The following MYT1 variants were observed in gnomAD, a reference collection of about 807,000 sequenced individuals.
The protein encoded by MYT1 is myelin transcription factor I.
Under a neutral mutation model 123.0 loss-of-function variants are expected in MYT1, and 23 were observed. The observed-to-expected ratio is 0.19, with a 90% CI of 0.13 to 0.26. The LOEUF is 0.26. MYT1 is among the 10% of genes least tolerant of loss of function. The pLI, the probability that MYT1 is intolerant of heterozygous loss-of-function variation, is 1.00. For missense variants in MYT1, 1,125 were observed against 1,472.5 expected (o/e 0.76, Z 3.86); for synonymous variants, 518 against 575.3 (o/e 0.90, Z 1.43).
intron 16 of MYT1, 74 bp from the exon 17 acceptor site, chr20:64,227,341 T>TG (rs1984195169): frequency 1.4e-6 from 2 of 1,445,128 alleles, no homozygotes; most frequent in Admixed American, 3.7e-5. Flanking sequence ...GGCTTTCCTC[T>TG]GGGGGTCCCA....
chr20:64,208,155 C>T lies in MYT1; in HGVS notation c.959C>T (p.Thr320Ile), dbSNP rs1983554052. The T allele has an allele frequency of 6.2e-7, 1 of 1,613,454 alleles. No individual in the cohort carries two copies. The highest frequency in any genetic ancestry group is 1.3e-5 in the African/African-American group (1 of 74,912). The change falls in exon 7 of 23, where the codon ACC becomes ATC. Residue 320 changes from threonine (T) to isoleucine (I), a missense_variant. Thr to Ile is a moderately conservative substitution (Grantham distance 89). Transcript: ENST00000328439. The surrounding 1 kb of genome is among the most constrained non-coding windows in gnomAD (Gnocchi z 5.4). ...ATCTTTCAGGAAGACACCTCTCACACCTCTGCCCAGAAGGCCCCTGAGCTC... is the reference window on the plus strand; with the variant it reads ...ATCTTTCAGGAAGACACCTCTCACATCTCTGCCCAGAAGGCCCCTGAGCTC... The part of the protein sequence containing the change: ...DVIFQEDTSH[T>I]SAQKAPELRG...
chr20:64,210,746 C>T (rs1983642332), intron 7 of MYT1, among the ~76,000 whole-genome samples: 1 of 152,268 alleles, frequency 6.6e-6, no homozygotes. Flanking sequence ...TTTGGGTTTA[C>T]ATTTCTGCCC....
At chr20:64,233,198 TCCCTTCCCCTA>T (rs1984380145) in intron 19 of MYT1, among the ~76,000 whole-genome samples, 1 of 86,320 alleles carries the variant, frequency 1.2e-5, no homozygotes, top group Non-Finnish European at 2.3e-5. Flanking sequence ...TCCTCCCCTC[TCCCTTCCCCTA>T]TCCCTCCCCC....
intron 16 of MYT1, among the ~76,000 whole-genome samples, chr20:64,226,174 G>T (rs1046010473): frequency 1.3e-5 from 2 of 152,218 alleles, no homozygotes; most frequent in African/African-American, 4.8e-5. Flanking sequence ...TCTCTTGGCT[G>T]GCCAGCAAGG....
intron 16 of MYT1, among the ~76,000 whole-genome samples, chr20:64,226,035 G>A (rs982859692): frequency 6.6e-6 from 1 of 152,200 alleles, no homozygotes; most frequent in Admixed American, 6.5e-5. Flanking sequence ...CACCTGAGTG[G>A]CCACTTGCCC....
intron 1 of MYT1, among the ~76,000 whole-genome samples, chr20:64,165,525 T>G (rs1476718680): frequency 6.6e-6 from 1 of 152,144 alleles, no homozygotes; most frequent in Non-Finnish European, 1.5e-5. Flanking sequence ...TTCACTTTCT[T>G]CTCTATAAAC....
chr20:64,183,126 T>C (rs1290217931), intron 1 of MYT1, among the ~76,000 whole-genome samples: 4 of 152,194 alleles, frequency 2.6e-5, no homozygotes, highest in Admixed American at 6.5e-5. Context: ...TTCACAAATA[T>C]GGAATTGTTC....
intron 20 of MYT1, 92 bp downstream of exon 20, chr20:64,236,738 G>A (rs1254273293): frequency 2.7e-6 from 3 of 1,104,750 alleles, no homozygotes; most frequent in African/African-American, 3.1e-5. Context: ...AAGAAGGTTA[G>A]GGAGATGAAG....
chr20:64,235,063 T>C (rs116039737), intron 19 of MYT1, among the ~76,000 whole-genome samples: 21,734 of 104,004 alleles, frequency 0.21, 2,542 homozygotes, highest in African/African-American at 0.37. Context: ...TGGTGGTTGA[T>C]GCTGGGATGG....
chr20:64,178,079 C>T (rs1210256823), intron 1 of MYT1, among the ~76,000 whole-genome samples: 4 of 152,212 alleles, frequency 2.6e-5, no homozygotes, highest in Non-Finnish European at 5.9e-5. Flanking sequence ...ACCTCAGGAT[C>T]CTCCTTGGTC....
intron 1 of MYT1, among the ~76,000 whole-genome samples, chr20:64,173,369 C>G (rs906346530): frequency 6.6e-6 from 1 of 152,166 alleles, no homozygotes; most frequent in African/African-American, 2.4e-5. Flanking sequence ...GGGCTTCTCC[C>G]CAGCCTGTGG....
At chr20:64,227,799 C>T in intron 17 of MYT1, 89 bp from the exon 18 acceptor site, 2 of 1,096,796 alleles carry the variant, frequency 1.8e-6, no homozygotes, top group Non-Finnish European at 2.6e-6. Flanking sequence ...CCTGGGGTCA[C>T]AGAGCTTGAG....
rs1479487214 is a variant in MYT1 at position 64,199,998 on chromosome 20, C to T, written c.86+76C>T. ...CTGGAGATATCCTAAATGTCCCAAA[C>T]GGGGTCTTCTTGGATTGACCAAACA... is the stretch of plus-strand genomic sequence containing the variant. On this transcript the variant is annotated intron_variant, in intron 4 of 22. Coordinates refer to ENST00000328439, the MANE Select transcript of MYT1 (RefSeq NM_004535.3). 3.4e-5 allele frequency: 54 copies of T among 1,565,324 alleles called. 1 individual carries two copies. In the East Asian group the frequency reaches 7.8e-4, roughly 23 times the overall value.
At chr20:64,183,925 A>AT (rs1285817297) in intron 1 of MYT1, among the ~76,000 whole-genome samples, 2 of 152,070 alleles carry the variant, frequency 1.3e-5, no homozygotes, top group Non-Finnish European at 2.9e-5. Flanking sequence ...GGTTCAAGTG[A>AT]TTCTCCTGCC....
chr20:64,228,067 A>T (rs1412101607), intron 18 of MYT1, 96 bp downstream of exon 18: 2 of 1,215,126 alleles, frequency 1.6e-6, no homozygotes, highest in Admixed American at 4.4e-5. Context: ...TTCCCTTTTC[A>T]TTAATACAAC....
rs1406835926 is a variant in MYT1 at position 64,208,697 on chromosome 20, C to T, written c.1291+210C>T. 6.6e-6 allele frequency among the ~76,000 whole-genome samples: 1 copy of T among 152,106 alleles called. No homozygotes were observed. Among genetic ancestry groups the T allele is most frequent in the Admixed American group, 6.5e-5 (1 of 15,282 alleles). On this transcript the variant is annotated intron_variant, in intron 7 of 22. Transcript: ENST00000328439. The surrounding 1 kb of genome is among the most constrained non-coding windows in gnomAD (Gnocchi z 5.4). ...ACATAGAGCGATCTGGAGCGAGACA[C>T]AGCGGAGACGTGTGAGAAAGAACCA...
In MYT1 at chr20:64,185,048, C is replaced by T. The variant is rs1215202665; in HGVS notation, c.-98-5015C>T. Reference sequence around the variant, plus strand: ...GTAGAGGGATGTGGGTGGAGGCCAACTGTGGTGGGGAGTGAAGCGTAGTTA... The same window carrying T: ...GTAGAGGGATGTGGGTGGAGGCCAATTGTGGTGGGGAGTGAAGCGTAGTTA... On this transcript the variant is annotated intron_variant, in intron 1 of 22. Coordinates refer to ENST00000328439, the MANE Select transcript of MYT1 (RefSeq NM_004535.3). This position sits in a 1 kb window ranked among gnomAD's most constrained non-coding sequence, Gnocchi z 4.5. Among the ~76,000 whole-genome samples the T allele has an allele frequency of 1.3e-5, 2 of 152,076 alleles. No homozygotes were observed. The highest frequency in any genetic ancestry group is 4.8e-5 in the African/African-American group (2 of 41,396).
chr20:64,211,844 C>T (rs1274416402), intron 8 of MYT1, among the ~76,000 whole-genome samples: 2 of 151,900 alleles, frequency 1.3e-5, no homozygotes, highest in Admixed American at 6.6e-5. Context: ...GGGGCATGCC[C>T]TGACCAGGCT....
rs1983573393 is a variant in MYT1, at chr20:64,208,627, C to T, written c.1291+140C>T. On this transcript the variant is annotated intron_variant, in intron 7 of 22. Transcript: ENST00000328439. This position sits in a 1 kb window ranked among gnomAD's most constrained non-coding sequence, Gnocchi z 5.4. Reference sequence around the variant, plus strand: ...CAGACAAAAGGACAAATACATGACACAGACTGTGGTCAGATACTGAGCAAA... The same window carrying T: ...CAGACAAAAGGACAAATACATGACATAGACTGTGGTCAGATACTGAGCAAA... 5.1e-6 allele frequency: 7 copies of T among 1,379,320 alleles called. No individual in the cohort carries two copies. The highest frequency in any genetic ancestry group is 6.7e-6 in the Non-Finnish European group (7 of 1,045,070). The allele number at this position is 1,379,320 out of a possible 1,614,324, so 85.4% of individuals were successfully genotyped here.
Sources: allele counts gnomAD v4.1 joint callset (sites outside exome capture counted in the v4.1 genomes callset), GRCh38; gene constraint gnomAD v4.1.1; non-coding constraint Gnocchi (gnomAD v3.1); transcripts MANE v1.5; gene names NCBI Gene and HGNC (gene_info 2026-07-23, HGNC 2026-07-21).